FLNB: variants seen among roughly 807,000 people sequenced by gnomAD.
The protein encoded by FLNB is filamin-B.
FLNB carries 111 observed loss-of-function variants against 250.6 expected under a neutral mutation model. The observed-to-expected ratio is 0.44, with a 90% CI of 0.38 to 0.52. FLNB has a LOEUF of 0.52. Ranked by LOEUF, FLNB falls within the 20% of genes least tolerant of loss-of-function variation. The pLI is 0.00. For synonymous variants in FLNB, 1,302 were observed against 1,372.1 expected, an observed-to-expected ratio of 0.95 and a Z score of 1.13; for missense variants, 2,869 against 3,447.8, an observed-to-expected ratio of 0.83 and a Z score of 4.20.
At chr3:58,112,418 C>A in intron 18 of FLNB, 100 bp downstream of exon 18, 2 of 1,276,114 alleles carry the variant, frequency 1.6e-6, no homozygotes, top group Non-Finnish European at 1.1e-6. Flanking sequence ...GTGAGAGGTG[C>A]TCTGCCAAAG....
At chr3:58,050,589 G>A (rs2097160825) in intron 1 of FLNB, among the ~76,000 whole-genome samples, 1 of 152,186 alleles carries the variant, frequency 6.6e-6, no homozygotes, top group Admixed American at 6.5e-5. Context: ...GTTCTGCCCA[G>A]CTGAAGTACT....
At position 58,102,330 on chromosome 3, in the gene FLNB, G is replaced by A; in HGVS notation, c.1473G>A (p.Met491Ile). Residue 491 changes from methionine (M) to isoleucine (I), a missense_variant, in exon 9 of 46, where the codon ATG becomes ATA. Around this residue, in one of 5 missense-constraint regions of FLNB, gnomAD observed 1,348 missense variants for 1,466.7 expected, o/e 0.92. Coordinates refer to ENST00000295956, the MANE Select transcript of FLNB (RefSeq NM_001457.4). The stretch of plus-strand genomic sequence containing the variant: ...GAAGTGGGGAGCTCGGTGTAACCAT[G>A]AAGGGTCCTAGTAAGTGTTCCTTTG... ...AAGSGELGVT[M>I]KGPKGLEELV... The A allele has an allele frequency of 6.2e-7, 1 of 1,613,174 alleles. No individual in the cohort carries two copies. Among genetic ancestry groups the A allele is most frequent in the Non-Finnish European group, 8.5e-7 (1 of 1,179,704 alleles).
chr3:58,036,353 C>A (rs945272643), intron 1 of FLNB, among the ~76,000 whole-genome samples: 5 of 152,156 alleles, frequency 3.3e-5, no homozygotes, highest in African/African-American at 1.2e-4. Flanking sequence ...GTCTCCCGAG[C>A]ATTTGGGATC....
intron 39 of FLNB, among the ~76,000 whole-genome samples, chr3:58,153,868 G>A (rs1559734490): frequency 6.6e-6 from 1 of 152,192 alleles, no homozygotes; most frequent in Non-Finnish European, 1.5e-5. Context: ...CCTCCTTGGA[G>A]CCCGTATCTT....
chr3:58,090,829 T>C (rs901233580), intron 4 of FLNB, among the ~76,000 whole-genome samples: 1 of 152,122 alleles, frequency 6.6e-6, no homozygotes, highest in African/African-American at 2.4e-5. Flanking sequence ...CCCAGCACTT[T>C]GGGAGGCCGA....
intron 1 of FLNB, among the ~76,000 whole-genome samples, chr3:58,040,371 C>T (rs2097144340): frequency 6.6e-6 from 1 of 152,116 alleles, no homozygotes; most frequent in Non-Finnish European, 1.5e-5. Context: ...CTGTTTGCAT[C>T]TTACTCTTAT....
chr3:58,016,035 G>A (rs1206972882), intron 1 of FLNB, among the ~76,000 whole-genome samples: 5 of 151,992 alleles, frequency 3.3e-5, no homozygotes, highest in Admixed American at 3.3e-4. Context: ...TGCCTATGGG[G>A]TATGCTCCTT....
intron 22 of FLNB, among the ~76,000 whole-genome samples, chr3:58,125,114 A>T (rs1473225274): frequency 2.6e-5 from 4 of 152,124 alleles, no homozygotes; most frequent in African/African-American, 9.7e-5. Context: ...AAGTCAGATC[A>T]TACCTACATT....
At chr3:58,100,373 A>AAAAATATATATATATAT in intron 8 of FLNB, among the ~76,000 whole-genome samples, 1 of 104,386 alleles carries the variant, frequency 9.6e-6, no homozygotes, top group African/African-American at 4.6e-5. Flanking sequence ...GTAAAAAAAA[A>AAAAATATATATATATAT]ATATATATAT....
chr3:58,169,939 T>G lies in FLNB; in HGVS notation c.7621+146T>G. ...GCAAGTAACCATCGTCATGACCCTG[T>G]TCTCCTGCACTTAATATTTTTAAAT... is the stretch of plus-strand genomic sequence containing the variant. On this transcript the variant is annotated intron_variant, in intron 45 of 45. Transcript: ENST00000295956. This position sits in a 1 kb window ranked among gnomAD's most constrained non-coding sequence, Gnocchi z 4.8. 1.6e-6 allele frequency: 1 copy of G among 623,040 alleles called. No individual in the cohort carries two copies. 38.6% of individuals were successfully genotyped at this position (623,040 alleles called of 1,614,324 possible).
intron 34 of FLNB, among the ~76,000 whole-genome samples, chr3:58,147,305 G>T (rs62259294): frequency 6.6e-6 from 1 of 152,232 alleles, no homozygotes; most frequent in Admixed American, 6.5e-5. Flanking sequence ...AGTGCATGAA[G>T]TGCATGAGCT....
chr3:58,157,100 C>T (rs1292704006), intron 41 of FLNB, among the ~76,000 whole-genome samples: 1 of 152,188 alleles, frequency 6.6e-6, no homozygotes, highest in East Asian at 1.9e-4. Context: ...CAACATTTTT[C>T]CTCGTCCTAA....
At chr3:58,072,180 T>C (rs2097195580) in intron 1 of FLNB, among the ~76,000 whole-genome samples, 1 of 152,214 alleles carries the variant, frequency 6.6e-6, no homozygotes, top group Non-Finnish European at 1.5e-5. Context: ...AGAAAATGTA[T>C]GTGGTTTGAG....
intron 18 of FLNB, among the ~76,000 whole-genome samples, chr3:58,115,710 C>T (rs570637200): frequency 1.3e-5 from 2 of 152,318 alleles, no homozygotes; most frequent in South Asian, 2.1e-4. Flanking sequence ...TCCCAGGATG[C>T]ATTCAAGGAG....
intron 18 of FLNB, among the ~76,000 whole-genome samples, chr3:58,117,142 G>A (rs1019381761): frequency 5.9e-5 from 9 of 152,138 alleles, no homozygotes; most frequent in Non-Finnish European, 8.8e-5. Context: ...AAGTCGTGGC[G>A]AAATGCACTG....
rs751548425 is a variant in FLNB at position 58,164,533 on chromosome 3, C to T, written c.7198+1203C>T. 6.6e-6 allele frequency: 1 copy of T among 152,334 alleles called. No individual in the cohort carries two copies. The highest frequency in any genetic ancestry group is 2.4e-5 in the African/African-American group (1 of 41,434). 9.4% of individuals were successfully genotyped at this position (152,334 alleles called of 1,614,324 possible). A position where few individuals can be genotyped will look rare whatever the true frequency, so the allele number is the denominator to read the frequency against. On this transcript the variant is annotated intron_variant, in intron 43 of 45. Coordinates refer to ENST00000295956, the MANE Select transcript of FLNB (RefSeq NM_001457.4). The surrounding 1 kb of genome is among the most constrained non-coding windows in gnomAD (Gnocchi z 4.0). Reference sequence around the variant, plus strand: ...GAGGGGTGAGTGGCTGCATGGTTGCCTGGCATCCAGCCCTAGGAGCAAGTG... The same window carrying T: ...GAGGGGTGAGTGGCTGCATGGTTGCTTGGCATCCAGCCCTAGGAGCAAGTG...
At chr3:58,022,489 G>A (rs1228253656) in intron 1 of FLNB, among the ~76,000 whole-genome samples, 2 of 152,140 alleles carry the variant, frequency 1.3e-5, no homozygotes, top group Non-Finnish European at 1.5e-5. Flanking sequence ...CCTTTTCCAG[G>A]TGAAGCTCAG....
chr3:58,018,171 C>T (rs770923120), intron 1 of FLNB, among the ~76,000 whole-genome samples: 2 of 151,936 alleles, frequency 1.3e-5, no homozygotes, highest in Admixed American at 1.3e-4. Flanking sequence ...TTCTAATCCT[C>T]GTGAACTCTG....
intron 28 of FLNB, among the ~76,000 whole-genome samples, chr3:58,137,060 G>C (rs569750498): frequency 1.3e-5 from 2 of 152,178 alleles, no homozygotes; most frequent in African/African-American, 2.4e-5. Context: ...GCAGCTCAGT[G>C]CTGCTGCTCA....
Sources: allele counts gnomAD v4.1 joint callset (sites outside exome capture counted in the v4.1 genomes callset), GRCh38; gene constraint gnomAD v4.1.1; regional missense constraint gnomAD v4.1.1; non-coding constraint Gnocchi (gnomAD v3.1); transcripts MANE v1.5; gene names NCBI Gene and HGNC (gene_info 2026-07-23, HGNC 2026-07-21).